APBA1: variants seen among roughly 807,000 people sequenced by gnomAD.
APBA1 encodes amyloid beta precursor protein binding family A member 1.
APBA1 carries 55 observed loss-of-function variants against 86.6 expected under a neutral mutation model. The observed-to-expected ratio is 0.64, with a 90% CI of 0.51 to 0.80. APBA1 has a LOEUF of 0.80. Among genes scored for constraint, APBA1 ranks in the 30% least tolerant of loss-of-function variants. The pLI, the probability that APBA1 is intolerant of heterozygous loss-of-function variation, is 0.00. For missense variants in APBA1, 1,090 were observed against 1,183.0 expected (o/e 0.92, Z 1.15); for synonymous variants, 511 against 493.9 (o/e 1.03, Z -0.46).
rs140145664 is a variant in APBA1 at position 69,574,494 on chromosome 9, A to T, written c.-69-57215T>A. Among the ~76,000 whole-genome samples the T allele has an allele frequency of 3.3e-4, 50 of 152,316 alleles. No homozygotes were observed. In the East Asian group the frequency reaches 7.9e-3, roughly 24 times the overall value. ...AAAAAAATCCTCTCTATATATGCAT[A>T]GCCTGCCCCATAAAGCAAATGAATG... On this transcript the variant is annotated intron_variant, in intron 1 of 12. Coordinates refer to ENST00000265381, the MANE Select transcript of APBA1 (RefSeq NM_001163.4).
At chr9:69,597,506 CTTTAG>C in intron 1 of APBA1, among the ~76,000 whole-genome samples, 1 of 152,264 alleles carries the variant, frequency 6.6e-6, no homozygotes, top group African/African-American at 2.4e-5. Context: ...TGCAGAAGCT[CTTTAG>C]TTTAATTAGA....
chr9:69,570,967 T>C (rs1837106122), intron 1 of APBA1, among the ~76,000 whole-genome samples: 1 of 152,212 alleles, frequency 6.6e-6, no homozygotes, highest in South Asian at 2.1e-4. Context: ...TTCCGGTTTT[T>C]ATCACTTCTT....
intron 1 of APBA1, among the ~76,000 whole-genome samples, chr9:69,630,283 G>A (rs1331550150): frequency 6.6e-6 from 1 of 152,094 alleles, no homozygotes; most frequent in Non-Finnish European, 1.5e-5. Context: ...AGGGGACGGG[G>A]CCAGCAACAT....
chr9:69,458,120 C>T (rs1339110698), intron 6 of APBA1, 36 bp downstream of exon 6: 3 of 1,578,014 alleles, frequency 1.9e-6, no homozygotes, highest in Admixed American at 3.9e-5. Context: ...AAAGAACAGG[C>T]ATAACACCAA....
At chr9:69,585,996 G>A (rs1464434040) in intron 1 of APBA1, among the ~76,000 whole-genome samples, 2 of 152,062 alleles carry the variant, frequency 1.3e-5, no homozygotes, top group Admixed American at 6.6e-5. Context: ...TGTTTGCCTC[G>A]TCACTTCATG....
intron 1 of APBA1, among the ~76,000 whole-genome samples, chr9:69,517,903 C>A (rs1052479973): frequency 2.6e-5 from 4 of 152,256 alleles, no homozygotes; most frequent in African/African-American, 9.6e-5. Flanking sequence ...AAAAAAGACT[C>A]GGTGGTCAAG....
At chr9:69,648,459 T>C (rs1564102153) in intron 1 of APBA1, among the ~76,000 whole-genome samples, 1 of 152,198 alleles carries the variant, frequency 6.6e-6, no homozygotes, top group Non-Finnish European at 1.5e-5. Flanking sequence ...CTCAGTTATA[T>C]ATTAAAGACA....
At chr9:69,555,527 C>T (rs557591465) in intron 1 of APBA1, among the ~76,000 whole-genome samples, 18 of 152,172 alleles carry the variant, frequency 1.2e-4, no homozygotes, top group African/African-American at 4.3e-4. Flanking sequence ...TGAATCATCT[C>T]AATATAGAAA....
intron 1 of APBA1, among the ~76,000 whole-genome samples, chr9:69,662,643 T>C (rs963564087): frequency 1.2e-4 from 18 of 152,206 alleles, no homozygotes; most frequent in African/African-American, 4.3e-4. Flanking sequence ...GAAACTATTT[T>C]CACATCTGGG....
intron 1 of APBA1, among the ~76,000 whole-genome samples, chr9:69,617,574 C>A (rs746373880): frequency 7.9e-5 from 12 of 151,950 alleles, no homozygotes; most frequent in Non-Finnish European, 1.3e-4. Context: ...TAAATTCACC[C>A]CAGATCATGA....
In APBA1 at chr9:69,429,018, T is replaced by G. The variant is rs1834540577; in HGVS notation, c.*2309A>C. ...CAATAGGAATAGAAAGTATATTCTCTCCTTTAGGTGAACATACATAACCGT... is the reference window on the plus strand; with the variant it reads ...CAATAGGAATAGAAAGTATATTCTCGCCTTTAGGTGAACATACATAACCGT... On this transcript the variant is annotated 3_prime_UTR_variant, in exon 13 of 13. Transcript: ENST00000265381. The G allele has an allele frequency of 6.6e-6, 1 of 152,250 alleles. No individual in the cohort carries two copies. The highest frequency in any genetic ancestry group is 2.1e-4 in the South Asian group (1 of 4,832). The allele number at this position is 152,250 out of a possible 1,614,324, so 9.4% of individuals were successfully genotyped here. A position where few individuals can be genotyped will look rare whatever the true frequency, so the allele number is the denominator to read the frequency against.
At chr9:69,644,729 A>G (rs7044154) in intron 1 of APBA1, among the ~76,000 whole-genome samples, 22,473 of 152,184 alleles carry the variant, frequency 0.15, 1,777 homozygotes, top group African/African-American at 0.18. Flanking sequence ...CTGTGAACTC[A>G]TGCTGGATGG....
intron 1 of APBA1, among the ~76,000 whole-genome samples, chr9:69,609,839 C>T (rs902466576): frequency 6.6e-6 from 1 of 152,132 alleles, no homozygotes. Flanking sequence ...CCCTCTGTCA[C>T]CCAGGCTGGC....
intron 3 of APBA1, among the ~76,000 whole-genome samples, chr9:69,475,041 G>C (rs1354713398): frequency 6.6e-6 from 1 of 152,168 alleles, no homozygotes; most frequent in East Asian, 1.9e-4. Context: ...CCCACACACA[G>C]ATTATGGCGC....
chr9:69,539,839 C>A (rs1194220976), intron 1 of APBA1, among the ~76,000 whole-genome samples: 1 of 152,126 alleles, frequency 6.6e-6, no homozygotes, highest in Non-Finnish European at 1.5e-5. Context: ...ACCTTATTAG[C>A]CGGGGGCAGT....
chr9:69,567,925 A>C (rs1837055206), intron 1 of APBA1, among the ~76,000 whole-genome samples: 1 of 152,098 alleles, frequency 6.6e-6, no homozygotes, highest in Non-Finnish European at 1.5e-5. Flanking sequence ...GAAATGATGA[A>C]AACTCTTGGG....
At chr9:69,519,920 G>A (rs1836225597) in intron 1 of APBA1, among the ~76,000 whole-genome samples, 1 of 152,192 alleles carries the variant, frequency 6.6e-6, no homozygotes. Context: ...TGTGGTAAAG[G>A]AAGTTCTCTG....
chr9:69,449,712 T>C lies in APBA1; in HGVS notation c.2053A>G (p.Ile685Val). 1 of 1,614,138 alleles carries C rather than the reference T, an allele frequency of 6.2e-7. No individual in the cohort carries two copies. Among genetic ancestry groups the C allele is most frequent in the Non-Finnish European group, 8.5e-7 (1 of 1,180,022 alleles). The change falls in exon 10 of 13, where the codon ATT becomes GTT. Residue 685 changes from isoleucine to valine, a missense_variant. Coordinates refer to ENST00000265381, the MANE Select transcript of APBA1 (RefSeq NM_001163.4). ...GWGSILPTVIIANMMHGGPAE... is the reference protein window; with the variant it reads ...GWGSILPTVIVANMMHGGPAE... The stretch of plus-strand genomic sequence containing the variant: ...GGGCCACCATGCATCATGTTGGCAA[T>C]GATCACGGTGGGGAGGATGGATCCC...
At chr9:69,602,944 A>C (rs1822384096) in intron 1 of APBA1, among the ~76,000 whole-genome samples, 1 of 152,250 alleles carries the variant, frequency 6.6e-6, no homozygotes, top group African/African-American at 2.4e-5. Context: ...AAACAGAGTC[A>C]ATCATCTTTC....
Sources: gnomAD v4.1 joint callset for allele counts (sites outside exome capture counted in the v4.1 genomes callset) on GRCh38, gnomAD v4.1.1 for gene constraint, MANE v1.5 for transcripts, NCBI Gene and HGNC (gene_info 2026-07-23, HGNC 2026-07-21) for gene names.